The following PHLPP2 variants were observed in gnomAD, a reference collection of about 807,000 sequenced individuals.
PHLPP2 encodes PH domain leucine-rich repeat-containing protein phosphatase 2.
PHLPP2 carries 66 observed loss-of-function variants against 124.9 expected under a neutral mutation model. The observed-to-expected ratio is 0.53, with a 90% CI of 0.43 to 0.65. PHLPP2 has a LOEUF of 0.65. Ranked by LOEUF, PHLPP2 falls within the 30% of genes least tolerant of loss-of-function variation. PHLPP2 has a pLI of 0.00. For synonymous variants in PHLPP2, 681 were observed against 624.7 expected, an observed-to-expected ratio of 1.09 and a Z score of -1.34; for missense variants, 1,685 against 1,600.4, an observed-to-expected ratio of 1.05 and a Z score of -0.90.
In PHLPP2 at chr16:71,697,372, C is replaced by T. The variant is rs536264927; in HGVS notation, c.418+5226G>A. The stretch of plus-strand genomic sequence containing the variant: ...CAGGTAGAAGTGGCGCACATCAAGT[C>T]CACTCCATACAATGGAAGAAAATTT... On this transcript the variant is annotated intron_variant, in intron 3 of 18. Coordinates refer to ENST00000568954, the MANE Select transcript of PHLPP2 (RefSeq NM_015020.3). Among the ~76,000 whole-genome samples the T allele has an allele frequency of 1.4e-3, 212 of 152,102 alleles. 5 individuals are homozygous for T. Among genetic ancestry groups the T allele is most frequent in the Admixed American group, 0.014 (209 of 15,282 alleles).
chr16:71,658,484 T>C (rs1237922098), intron 14 of PHLPP2, 121 bp from the exon 15 acceptor site: 2 of 1,204,614 alleles, frequency 1.7e-6, no homozygotes, highest in Non-Finnish European at 2.3e-6. Flanking sequence ...AGGAATCCAT[T>C]ACATAAATTC....
rs771482477 is a variant in PHLPP2, at chr16:71,690,650, G to A, written c.478C>T (p.Arg160Cys). ...TTATGCAGCTGGGTCTTTCCCTTGC[G>A]TACATTATAGATGCCAGACAATAGG... ...RILLSGIYNV[R>C]KGKTQLHKWA... The change falls in exon 4 of 19, where the codon CGC becomes TGC. Residue 160 changes from arginine to cysteine, a missense_variant. Coordinates refer to ENST00000568954, the MANE Select transcript of PHLPP2 (RefSeq NM_015020.3). 7.4e-6 allele frequency: 12 copies of A among 1,613,568 alleles called. No individual in the cohort carries two copies. Among genetic ancestry groups the A allele is most frequent in the South Asian group, 1.1e-5 (1 of 91,062 alleles).
chr16:71,711,792 C>A (rs1401205470), intron 2 of PHLPP2, among the ~76,000 whole-genome samples: 1 of 152,180 alleles, frequency 6.6e-6, no homozygotes, highest in Admixed American at 6.5e-5. Flanking sequence ...AACTATCTGA[C>A]AAAGGGCTTT....
At chr16:71,651,219 T>A (rs2044693670) in intron 18 of PHLPP2, among the ~76,000 whole-genome samples, 1 of 151,890 alleles carries the variant, frequency 6.6e-6, no homozygotes, top group East Asian at 1.9e-4. Context: ...ATGCCTATAG[T>A]CCCAGCTACT....
chr16:71,723,205 T>A (rs2045409248), intron 1 of PHLPP2: 1 of 152,338 alleles, frequency 6.6e-6, no homozygotes, highest in East Asian at 1.9e-4. Context: ...GGGTCGTCCT[T>A]GCCGGCTGGC....
At chr16:71,701,562 A>T (rs887101120) in intron 3 of PHLPP2, among the ~76,000 whole-genome samples, 1 of 152,188 alleles carries the variant, frequency 6.6e-6, no homozygotes, top group African/African-American at 2.4e-5. Flanking sequence ...GTACATTAAG[A>T]TCCTGCATAT....
At chr16:71,718,949 T>G (rs904494563) in intron 1 of PHLPP2, among the ~76,000 whole-genome samples, 3 of 152,210 alleles carry the variant, frequency 2.0e-5, no homozygotes, top group African/African-American at 7.2e-5. Context: ...TAGCTGTTAT[T>G]AGCCACTGCT....
At chr16:71,691,201 C>G (rs930163047) in intron 3 of PHLPP2, among the ~76,000 whole-genome samples, 1 of 152,168 alleles carries the variant, frequency 6.6e-6, no homozygotes, top group African/African-American at 2.4e-5. Context: ...CGCCTGCAAT[C>G]CCAGCACTTT....
intron 15 of PHLPP2, 71 bp from the exon 16 acceptor site, chr16:71,656,752 TTC>T: frequency 1.1e-6 from 1 of 945,752 alleles, no homozygotes; most frequent in Non-Finnish European, 1.7e-6. Flanking sequence ...AACAATAGTA[TTC>T]TTTTTTTTTT....
chr16:71,644,936 G>T lies in PHLPP2; in HGVS notation c.*3954C>A, dbSNP rs964100124. 3.1e-6 allele frequency: 1 copy of T among 327,864 alleles called. No homozygotes were observed. Among genetic ancestry groups the T allele is most frequent in the African/African-American group, 2.2e-5 (1 of 44,752 alleles). The allele number at this position is 327,864 out of a possible 1,614,324, so 20.3% of individuals were successfully genotyped here. ...AACAAGCACTCCATTTTAAAACAAAGCCATGAAAAAGATTCCACTTTATTT... is the reference window on the plus strand; with the variant it reads ...AACAAGCACTCCATTTTAAAACAAATCCATGAAAAAGATTCCACTTTATTT... On this transcript the variant is annotated 3_prime_UTR_variant, in exon 19 of 19. Transcript: ENST00000568954.
chr16:71,672,900 A>T (rs2044907743), intron 9 of PHLPP2, among the ~76,000 whole-genome samples: 1 of 152,254 alleles, frequency 6.6e-6, no homozygotes, highest in African/African-American at 2.4e-5. Flanking sequence ...CTATGTAAAC[A>T]TATGCATGCA....
At chr16:71,684,960 G>C (rs1207020657) in intron 4 of PHLPP2, among the ~76,000 whole-genome samples, 2 of 152,178 alleles carry the variant, frequency 1.3e-5, no homozygotes, top group African/African-American at 2.4e-5. Context: ...TACTAGGCTT[G>C]AGAAAAGAGG....
chr16:71,705,890 G>C (rs1234246309), intron 2 of PHLPP2, among the ~76,000 whole-genome samples: 2 of 152,134 alleles, frequency 1.3e-5, no homozygotes. Flanking sequence ...ACAAAAACAA[G>C]TAAAATGAAG....
rs750422991 is a variant in PHLPP2 at position 71,679,023 on chromosome 16, G to C, written c.1038-38C>G. On this transcript the variant is annotated intron_variant, in intron 7 of 18. Transcript: ENST00000568954. ...AACAAAACAAGTCTACTTTATGAAA[G>C]GTTTCACTGGAATGCACAGAATCAG... 17 of 1,125,352 alleles carry C rather than the reference G, an allele frequency of 1.5e-5. No individual in the cohort carries two copies. In the South Asian group the frequency reaches 2.2e-4, roughly 14 times the overall value. The allele number at this position is 1,125,352 out of a possible 1,614,324, so 69.7% of individuals were successfully genotyped here.
At chr16:71,702,819 T>C in intron 2 of PHLPP2, 88 bp from the exon 3 acceptor site, 1 of 625,918 alleles carries the variant, frequency 1.6e-6, no homozygotes, top group Admixed American at 3.3e-5. Flanking sequence ...TTGTATAAAT[T>C]TCAGGGGTAC....
intron 1 of PHLPP2, chr16:71,723,918 G>A: frequency 1.4e-6 from 1 of 725,796 alleles, no homozygotes; most frequent in Non-Finnish European, 1.7e-6. Context: ...GGCGTGCGGA[G>A]CCTCGGCGGC....
At position 71,676,459 on chromosome 16, in the gene PHLPP2, C is replaced by A. The variant is rs1311515539; in HGVS notation, c.1459G>T (p.Ala487Ser). Reference protein sequence around the residue: ...LSGFSLRTLYASSNRLTAVNV... With the variant: ...LSGFSLRTLYSSSNRLTAVNV... ...AGAGAAAACTCACTGTTGGAACTGG[C>A]ATAGAGGGTCCGAAGGGAAAAGCCA... Residue 487 changes from alanine to serine, a missense_variant, in exon 9 of 19, where the codon GCC becomes TCC. Ala to Ser is a moderately conservative substitution (Grantham distance 99, BLOSUM62 1). Transcript: ENST00000568954. 1.2e-6 allele frequency: 2 copies of A among 1,613,670 alleles called. No individual in the cohort carries two copies. Among genetic ancestry groups the A allele is most frequent in the Non-Finnish European group, 1.7e-6 (2 of 1,179,570 alleles).
chr16:71,700,482 T>C (rs1395942695), intron 3 of PHLPP2, among the ~76,000 whole-genome samples: 1 of 149,744 alleles, frequency 6.7e-6, no homozygotes, highest in Non-Finnish European at 1.5e-5. Context: ...AGCTAATTCC[T>C]CTCTCTATAG....
chr16:71,657,117 A>AT (rs1381772031), intron 15 of PHLPP2, among the ~76,000 whole-genome samples: 2 of 151,884 alleles, frequency 1.3e-5, no homozygotes, highest in Non-Finnish European at 2.9e-5. Context: ...TAATTTCTGT[A>AT]TTTTTAGTAG....
Sources: gnomAD v4.1 joint callset for allele counts (sites outside exome capture counted in the v4.1 genomes callset) on GRCh38, gnomAD v4.1.1 for gene constraint, MANE v1.5 for transcripts, NCBI Gene and HGNC (gene_info 2026-07-23, HGNC 2026-07-21) for gene names.